MEI4: variants seen among roughly 807,000 people sequenced by gnomAD.
MEI4 encodes meiosis-specific protein MEI4.
A neutral mutation model predicts 31.4 loss-of-function variants in MEI4; 27 were observed. The observed-to-expected ratio is 0.86, with a 90% CI of 0.63 to 1.19. The LOEUF is 1.19. MEI4 is among the 50% of genes most tolerant of loss of function. The pLI, the probability that MEI4 is intolerant of heterozygous loss-of-function variation, is 0.00. For synonymous variants in MEI4, 122 were observed against 145.4 expected, an observed-to-expected ratio of 0.84 and a Z score of 1.16; for missense variants, 329 against 398.9, an observed-to-expected ratio of 0.82 and a Z score of 1.49.
rs1359093911 is a variant in MEI4 at position 77,690,975 on chromosome 6, T to C, written c.232+72T>C. 5.0e-6 allele frequency: 4 copies of C among 804,788 alleles called. No individual in the cohort carries two copies. In the South Asian group the frequency reaches 2.6e-4, roughly 52 times the overall value. The allele number at this position is 804,788 out of a possible 1,614,324, so 49.9% of individuals were successfully genotyped here. A position where few individuals can be genotyped will look rare whatever the true frequency, so the allele number is the denominator to read the frequency against. On this transcript the variant is annotated intron_variant, in intron 2 of 4. Coordinates refer to ENST00000684080, the MANE Select transcript of MEI4 (RefSeq NM_001322247.2). ...TTTCAGTTGCACAATTATTTAGAAA[T>C]GTATTCCCAAAACATGAAAATTTTT...
chr6:77,661,575 C>T (rs1768510883), intron 1 of MEI4, among the ~76,000 whole-genome samples: 1 of 152,088 alleles, frequency 6.6e-6, no homozygotes, highest in East Asian at 1.9e-4. Context: ...CTGAACAATC[C>T]TTGAGGGGTA....
chr6:77,656,430 C>T (rs1423312835), intron 1 of MEI4, among the ~76,000 whole-genome samples: 2 of 151,962 alleles, frequency 1.3e-5, no homozygotes, highest in Non-Finnish European at 2.9e-5. Context: ...CTTTTTATTT[C>T]CTGATAGGAG....
At chr6:77,814,299 G>A (rs1387552899) in intron 3 of MEI4, among the ~76,000 whole-genome samples, 1 of 152,104 alleles carries the variant, frequency 6.6e-6, no homozygotes, top group Non-Finnish European at 1.5e-5. Context: ...GAATATCTCA[G>A]TAATCTTTCT....
intron 2 of MEI4, among the ~76,000 whole-genome samples, chr6:77,696,451 T>C (rs997926338): frequency 6.6e-6 from 1 of 152,150 alleles, no homozygotes; most frequent in East Asian, 1.9e-4. Context: ...CAATACCTAA[T>C]TTATTGAGAG....
intron 3 of MEI4, among the ~76,000 whole-genome samples, chr6:77,774,691 A>G (rs1032699691): frequency 6.6e-6 from 1 of 152,030 alleles, no homozygotes; most frequent in Non-Finnish European, 1.5e-5. Flanking sequence ...TGTTATTTGA[A>G]TATTTGAAAG....
chr6:77,709,515 C>G (rs1369234486), intron 2 of MEI4, among the ~76,000 whole-genome samples: 1 of 152,110 alleles, frequency 6.6e-6, no homozygotes, highest in East Asian at 1.9e-4. Context: ...CATTTTACAT[C>G]AATTTCACAA....
At chr6:77,743,819 G>A (rs1455274059) in intron 2 of MEI4, among the ~76,000 whole-genome samples, 1 of 152,162 alleles carries the variant, frequency 6.6e-6, no homozygotes, top group African/African-American at 2.4e-5. Flanking sequence ...ACAAAAATCT[G>A]CTGTTATGCA....
chr6:77,661,161 C>A (rs894164903), intron 1 of MEI4, among the ~76,000 whole-genome samples: 2 of 152,094 alleles, frequency 1.3e-5, no homozygotes, highest in African/African-American at 2.4e-5. Flanking sequence ...ACTGTCCAAT[C>A]CTTTTTAAGT....
chr6:77,923,093 A>T lies in MEI4; in HGVS notation c.905A>T (p.Gln302Leu), dbSNP rs1187969656. ...ADDLGAINQE[Q>L]ASYDVSRYEN... Reference sequence around the variant, plus strand: ...GAGTTTGTTGTTTATTTGTAGGAGCAAGCCAGTTATGATGTGTCACGCTAT... The same window carrying T: ...GAGTTTGTTGTTTATTTGTAGGAGCTAGCCAGTTATGATGTGTCACGCTAT... Residue 302 changes from glutamine to leucine, a missense_variant, in exon 5 of 5, where the codon CAA (glutamine) becomes CTA (leucine). Gln to Leu is a moderately radical substitution (Grantham distance 113, BLOSUM62 -2). Transcript: ENST00000684080. 8.1e-7 allele frequency: 1 copy of T among 1,230,096 alleles called. No homozygotes were observed. Among genetic ancestry groups the T allele is most frequent in the Admixed American group, 4.2e-5 (1 of 23,570 alleles). The allele number at this position is 1,230,096 out of a possible 1,614,324, so 76.2% of individuals were successfully genotyped here.
intron 3 of MEI4, among the ~76,000 whole-genome samples, chr6:77,812,327 G>A (rs907517856): frequency 6.6e-5 from 10 of 151,796 alleles, no homozygotes; most frequent in Non-Finnish European, 1.2e-4. Context: ...AGAAAAGCAA[G>A]CAAGAAAAAA....
chr6:77,695,011 C>T (rs1470118527), intron 2 of MEI4, among the ~76,000 whole-genome samples: 8 of 151,916 alleles, frequency 5.3e-5, no homozygotes, highest in Non-Finnish European at 1.0e-4. Context: ...CTCTGATGGC[C>T]AGTGATGATG....
chr6:77,736,199 C>G (rs188654772), intron 2 of MEI4, among the ~76,000 whole-genome samples: 1 of 152,194 alleles, frequency 6.6e-6, no homozygotes, highest in African/African-American at 2.4e-5. Context: ...TTACCCTAAG[C>G]AAGCCTGGGC....
At position 77,820,645 on chromosome 6, in the gene MEI4, T is replaced by A. The variant is rs1769801301; in HGVS notation, c.769-8286T>A. Among the ~76,000 whole-genome samples the A allele has an allele frequency of 6.6e-6, 1 of 152,154 alleles. No homozygotes were observed. Among genetic ancestry groups the A allele is most frequent in the South Asian group, 2.1e-4 (1 of 4,830 alleles). On this transcript the variant is annotated intron_variant, in intron 3 of 4. Coordinates refer to ENST00000684080, the MANE Select transcript of MEI4 (RefSeq NM_001322247.2). The surrounding 1 kb of genome is among the most constrained non-coding windows in gnomAD (Gnocchi z 4.5). ...TATTCATACATTGAAAACGTCTTAT[T>A]TTCTCTTTGTTCTTGAAGGATAGTT...
At chr6:77,817,532 A>C (rs1267173859) in intron 3 of MEI4, among the ~76,000 whole-genome samples, 1 of 152,122 alleles carries the variant, frequency 6.6e-6, no homozygotes, top group Non-Finnish European at 1.5e-5. Flanking sequence ...TGTCATCTCA[A>C]ATGAAGTTTG....
intron 4 of MEI4, among the ~76,000 whole-genome samples, chr6:77,886,997 T>C (rs1771635135): frequency 8.0e-6 from 1 of 125,162 alleles, no homozygotes; most frequent in South Asian, 3.0e-4. Context: ...TGTCAACTAA[T>C]TTTGGATTTG....
At chr6:77,689,707 G>A (rs1769122387) in intron 1 of MEI4, among the ~76,000 whole-genome samples, 1 of 152,040 alleles carries the variant, frequency 6.6e-6, no homozygotes, top group South Asian at 2.1e-4. Flanking sequence ...TGGAAGGATA[G>A]GCTGGGGAAA....
At chr6:77,793,606 G>GAAATAGTGT (rs1342594355) in intron 3 of MEI4, among the ~76,000 whole-genome samples, 4 of 152,162 alleles carry the variant, frequency 2.6e-5, no homozygotes, top group Non-Finnish European at 4.4e-5. Context: ...TACACAGTAT[G>GAAATAGTGT]AAATAGTGTA....
intron 2 of MEI4, among the ~76,000 whole-genome samples, chr6:77,694,516 G>T (rs1283443598): frequency 6.6e-6 from 1 of 150,662 alleles, no homozygotes; most frequent in Non-Finnish European, 1.5e-5. Context: ...TAAGGTGTTT[G>T]GTTTTTTGTC....
chr6:77,794,864 G>C (rs1375077042), intron 3 of MEI4, among the ~76,000 whole-genome samples: 1 of 152,164 alleles, frequency 6.6e-6, no homozygotes, highest in Non-Finnish European at 1.5e-5. Context: ...TTAACTTTAA[G>C]AATGTTGATA....
Sources: gnomAD v4.1 joint callset for allele counts (sites outside exome capture counted in the v4.1 genomes callset) on GRCh38, gnomAD v4.1.1 for gene constraint, Gnocchi (gnomAD v3.1) non-coding constraint, MANE v1.5 for transcripts, NCBI Gene and HGNC (gene_info 2026-07-23, HGNC 2026-07-21) for gene names.